The following DENND2C variants were observed in gnomAD, a reference collection of about 807,000 sequenced individuals.
The protein encoded by DENND2C is DENN domain containing 2C.
A neutral mutation model predicts 112.4 loss-of-function variants in DENND2C; 72 were observed. That is an observed-to-expected ratio of 0.64 (90% confidence interval 0.53 to 0.78). The LOEUF is 0.78. DENND2C is among the 30% of genes least tolerant of loss of function. The probability of loss-of-function intolerance (pLI) is 0.00; values close to 1 mark genes in which losing one functional copy is unlikely to be tolerated. For synonymous variants in DENND2C, 329 were observed against 381.6 expected, an observed-to-expected ratio of 0.86 and a Z score of 1.61; for missense variants, 992 against 1,113.8, an observed-to-expected ratio of 0.89 and a Z score of 1.56.
At chr1:114,650,399 TCA>T (rs906406827) in intron 2 of DENND2C, among the ~76,000 whole-genome samples, 43 of 151,294 alleles carry the variant, frequency 2.8e-4, no homozygotes, top group African/African-American at 8.5e-4. Context: ...GTGCGGTGGC[TCA>T]CGCCTGTAAT....
intron 8 of DENND2C, among the ~76,000 whole-genome samples, 197 bp downstream of exon 8, chr1:114,618,189 C>T (rs542764629): frequency 1.3e-5 from 2 of 152,080 alleles, no homozygotes; most frequent in African/African-American, 2.4e-5. Context: ...AGGGTTTCAC[C>T]GTTTTAGCCA....
At chr1:114,646,176 C>T (rs1306363250) in intron 2 of DENND2C, among the ~76,000 whole-genome samples, 3 of 152,126 alleles carry the variant, frequency 2.0e-5, no homozygotes, top group Non-Finnish European at 2.9e-5. Flanking sequence ...ATCCGCCTGC[C>T]TCAGCCTCCC....
chr1:114,624,136 G>A (rs965802449), intron 4 of DENND2C, among the ~76,000 whole-genome samples: 3 of 152,116 alleles, frequency 2.0e-5, no homozygotes, highest in East Asian at 1.9e-4. Context: ...TGTGCCTTAC[G>A]AACACCATGA....
chr1:114,669,331 A>G (rs1037045008), intron 1 of DENND2C, among the ~76,000 whole-genome samples: 13 of 152,164 alleles, frequency 8.5e-5, no homozygotes, highest in Admixed American at 5.2e-4. Flanking sequence ...AGGCCCAGGA[A>G]GTTAATTTGG....
At chr1:114,626,444 A>G (rs1046862420) in intron 3 of DENND2C, among the ~76,000 whole-genome samples, 1 of 151,880 alleles carries the variant, frequency 6.6e-6, no homozygotes, top group Non-Finnish European at 1.5e-5. Flanking sequence ...TCCTAAAGTT[A>G]GGTAGAATGA....
Position 114,649,100 on chromosome 1 carries a change from G to A in DENND2C, c.-316-3541C>T, listed in dbSNP as rs142744082. 8.9e-3 allele frequency among the ~76,000 whole-genome samples: 1,343 copies of A among 150,616 alleles called. 10 individuals carry two copies. Among genetic ancestry groups the A allele is most frequent in the Non-Finnish European group, 0.015 (1,025 of 67,598 alleles). On this transcript the variant is annotated intron_variant, in intron 2 of 20. Transcript: ENST00000393274. ...CTCCCGAGTAGCTGGGATTACAGGCGCCTGCCACCATGCCTGACTAATTTT... is the reference window on the plus strand; with the variant it reads ...CTCCCGAGTAGCTGGGATTACAGGCACCTGCCACCATGCCTGACTAATTTT...
chr1:114,661,094 G>A (rs1434494741), intron 1 of DENND2C, among the ~76,000 whole-genome samples: 1 of 137,266 alleles, frequency 7.3e-6, no homozygotes, highest in African/African-American at 2.8e-5. Flanking sequence ...GCGACAGAGC[G>A]AGACTCCGTC....
intron 3 of DENND2C, among the ~76,000 whole-genome samples, chr1:114,630,352 G>A (rs575166915): frequency 2.0e-5 from 3 of 152,008 alleles, no homozygotes; most frequent in Admixed American, 2.0e-4. Flanking sequence ...AAAGGGACCA[G>A]GGAAACTTCA....
At chr1:114,617,583 A>G (rs906736980) in intron 8 of DENND2C, among the ~76,000 whole-genome samples, 1 of 152,130 alleles carries the variant, frequency 6.6e-6, no homozygotes, top group African/African-American at 2.4e-5. Context: ...CTGGGATTAC[A>G]GGCGTAAGCC....
chr1:114,634,853 C>A (rs1347829246), intron 3 of DENND2C, among the ~76,000 whole-genome samples: 3 of 151,738 alleles, frequency 2.0e-5, no homozygotes, highest in African/African-American at 7.3e-5. Flanking sequence ...CATGGCAAAA[C>A]CCTGCCTCTA....
At chr1:114,648,086 G>A (rs1337278610) in intron 2 of DENND2C, among the ~76,000 whole-genome samples, 1 of 152,208 alleles carries the variant, frequency 6.6e-6, no homozygotes, top group Non-Finnish European at 1.5e-5. Context: ...GGGATTACAG[G>A]CGTGAGTCAC....
intron 17 of DENND2C, chr1:114,595,621 C>T (rs373165534): frequency 4.1e-6 from 2 of 483,382 alleles, no homozygotes; most frequent in Admixed American, 3.7e-5. Flanking sequence ...TATGTTTCCT[C>T]CTTCCTCCTT....
At chr1:114,600,137 C>T in intron 15 of DENND2C, 67 bp downstream of exon 15, 2 of 1,533,916 alleles carry the variant, frequency 1.3e-6, no homozygotes, top group Non-Finnish European at 1.8e-6. Flanking sequence ...AAAAAAAATG[C>T]CCCAATTTTA....
Position 114,669,052 on chromosome 1 carries a change from C to G in DENND2C, c.-574+931G>C, listed in dbSNP as rs115151873. Among the ~76,000 whole-genome samples, 754 of 152,258 alleles carry G rather than the reference C, an allele frequency of 5.0e-3. 1 individual carries two copies. Among genetic ancestry groups the G allele is most frequent in the Non-Finnish European group, 9.2e-3 (625 of 68,010 alleles). ...GGACACACTCAAACAATGGGGGTCA[C>G]TTTGTGGGAAAAGTTTAAACAACTT... On this transcript the variant is annotated intron_variant, in intron 1 of 20. Transcript: ENST00000393274.
chr1:114,612,753 C>T (rs942205465), intron 8 of DENND2C, among the ~76,000 whole-genome samples: 10 of 152,066 alleles, frequency 6.6e-5, no homozygotes, highest in Admixed American at 3.3e-4. Context: ...TTCCTGACCT[C>T]GTGATCTGCC....
At chr1:114,637,520 A>AT (rs1013066481) in intron 3 of DENND2C, among the ~76,000 whole-genome samples, 75 of 147,298 alleles carry the variant, frequency 5.1e-4, no homozygotes, top group South Asian at 1.1e-3. Flanking sequence ...AATATTCAAG[A>AT]TTTTTTTTTT....
rs1570780845 is a variant in DENND2C, at chr1:114,622,286, TC to T, written c.1057-222del. ...GTGTCACCACATCCGGCTAATTTTT[TC>T]TTTTTTTTGGTAGAGATGGGGTTTT... is the stretch of plus-strand genomic sequence containing the variant. On this transcript the variant is annotated intron_variant, in intron 6 of 20. Coordinates refer to ENST00000393274, the MANE Select transcript of DENND2C (RefSeq NM_001256404.2). 2.0e-5 allele frequency among the ~76,000 whole-genome samples: 3 copies of T among 152,098 alleles called. No individual in the cohort carries two copies. The East Asian group carries it at 5.8e-4, about 30-fold the overall frequency.
chr1:114,659,373 G>C (rs1034742056), intron 1 of DENND2C, among the ~76,000 whole-genome samples: 1 of 152,038 alleles, frequency 6.6e-6, no homozygotes, highest in African/African-American at 2.4e-5. Flanking sequence ...ATGGTGGCCG[G>C]CACCTGTAGT....
chr1:114,614,936 C>T (rs1165358030), intron 8 of DENND2C, among the ~76,000 whole-genome samples: 1 of 151,988 alleles, frequency 6.6e-6, no homozygotes, highest in Non-Finnish European at 1.5e-5. Context: ...ATTGCTTAAA[C>T]CCAGGAAGCA....
Sources: allele counts gnomAD v4.1 joint callset (sites outside exome capture counted in the v4.1 genomes callset), GRCh38; gene constraint gnomAD v4.1.1; transcripts MANE v1.5; gene names NCBI Gene and HGNC (gene_info 2026-07-23, HGNC 2026-07-21).